The following DST variants were observed in gnomAD, a reference collection of about 807,000 sequenced individuals.
DST encodes the protein bullous pemphigoid antigen.
Under a neutral mutation model 875.2 loss-of-function variants are expected in DST, and 253 were observed. The observed-to-expected ratio is 0.29, with a 90% confidence interval of 0.26 to 0.32. The LOEUF is 0.32. Ranked by LOEUF, DST falls within the 10% of genes least tolerant of loss-of-function variation. The probability of loss-of-function intolerance (pLI) is 1.00; values close to 1 mark genes in which losing one functional copy is unlikely to be tolerated. For synonymous variants in DST, 3,124 were observed against 3,197.1 expected, an observed-to-expected ratio of 0.98 and a Z score of 0.77; for missense variants, 8,287 against 9,111.6, an observed-to-expected ratio of 0.91 and a Z score of 3.68.
intron 74 of DST, 108 bp downstream of exon 74, chr6:56,509,534 T>C (rs1216489903): frequency 3.8e-6 from 3 of 785,058 alleles, no homozygotes; most frequent in South Asian, 1.8e-5. Flanking sequence ...ATCACATTTG[T>C]AGTATCTTTT....
intron 36 of DST, chr6:56,619,496 T>C: frequency 6.2e-7 from 1 of 1,612,188 alleles, no homozygotes; most frequent in Non-Finnish European, 8.5e-7. Flanking sequence ...TTCTTTCTCA[T>C]CTCGAAAAGA....
chr6:56,811,039 C>G (rs1311077628), intron 4 of DST, among the ~76,000 whole-genome samples: 1 of 151,740 alleles, frequency 6.6e-6, no homozygotes, highest in Non-Finnish European at 1.5e-5. Flanking sequence ...CAAAATTTAG[C>G]CAGGCATGGT....
chr6:56,839,570 T>C (rs150867122), intron 4 of DST, among the ~76,000 whole-genome samples: 4 of 152,266 alleles, frequency 2.6e-5, no homozygotes, highest in African/African-American at 9.6e-5. Context: ...GGAAGCCAAA[T>C]GAAAACCACT....
chr6:56,680,325 A>C (rs1210711336), intron 9 of DST, among the ~76,000 whole-genome samples: 1 of 152,208 alleles, frequency 6.6e-6, no homozygotes, highest in Non-Finnish European at 1.5e-5. Flanking sequence ...ACATAATAGA[A>C]GTGATGGGTA....
In DST at chr6:56,459,195, C is replaced by T. The variant is rs775454333; in HGVS notation, c.23267G>A (p.Arg7756Gln). ...SKAGSRASSR[R>Q]GSDASDFDIS... ...GTCAAAGTCTGATGCATCACTGCCT[C>T]GGCGGCTGCTGGCCCTGCTGCCAGC... The change falls in exon 104 of 104, where the codon CGA becomes CAA. Residue 7756 changes from arginine (R) to glutamine (Q), a missense_variant. By Grantham distance (43) the Arg-to-Gln change is conservative. This residue lies in a region of DST where 240 missense variants were observed against 237.3 expected (regional missense o/e 1.01). Coordinates refer to ENST00000680361, the MANE Select transcript of DST (RefSeq NM_001374736.1). 8 of 1,613,812 alleles carry T rather than the reference C, an allele frequency of 5.0e-6. No individual in the cohort carries two copies. The highest frequency in any genetic ancestry group is 1.7e-5 in the Admixed American group (1 of 60,004).
chr6:56,683,423 G>A (rs1228208215), intron 9 of DST, among the ~76,000 whole-genome samples: 4 of 152,118 alleles, frequency 2.6e-5, no homozygotes, highest in Non-Finnish European at 5.9e-5. Context: ...GTGCCAGTGC[G>A]GTAATCCAGA....
At chr6:56,633,690 G>A (rs2098802597) in intron 27 of DST, among the ~76,000 whole-genome samples, 1 of 151,664 alleles carries the variant, frequency 6.6e-6, no homozygotes, top group Admixed American at 6.6e-5. Context: ...AGTAGAGACA[G>A]GGTTTCTCCA....
At position 56,606,739 on chromosome 6, in the gene DST, C is replaced by A; in HGVS notation, c.7889G>T (p.Gly2630Val). ...DDDHDSLLLD[G>V]DDRDCLHPED... ...AGGGTGCAGGCAATCACGATCATCA[C>A]CATCAAGAAGCAAAGAATCATGGTC... is the stretch of plus-strand genomic sequence containing the variant. The change falls in exon 40 of 104, where the codon GGT becomes GTT. Residue 2630 changes from glycine to valine, a missense_variant. Coordinates refer to ENST00000680361, the MANE Select transcript of DST (RefSeq NM_001374736.1). The A allele has an allele frequency of 6.2e-7, 1 of 1,613,416 alleles. No individual in the cohort carries two copies. Among genetic ancestry groups the A allele is most frequent in the African/African-American group, 1.3e-5 (1 of 74,988 alleles).
chr6:56,916,755 C>A (rs1025546180), intron 2 of DST, among the ~76,000 whole-genome samples: 18 of 74,452 alleles, frequency 2.4e-4, no homozygotes, highest in African/African-American at 1.2e-3. Flanking sequence ...CTCTCTCTAT[C>A]TCTCTCTCTC....
intron 50 of DST, among the ~76,000 whole-genome samples, chr6:56,575,339 A>G (rs1235939848): frequency 6.6e-6 from 1 of 152,150 alleles, no homozygotes; most frequent in Non-Finnish European, 1.5e-5. Context: ...AAACCTGCAT[A>G]TGTACCCTCT....
chr6:56,908,116 CAT>C (rs1424618033), intron 2 of DST, among the ~76,000 whole-genome samples: 1 of 147,200 alleles, frequency 6.8e-6, no homozygotes, highest in Non-Finnish European at 1.5e-5. Flanking sequence ...CACACACACA[CAT>C]ATATACACAC....
intron 22 of DST, among the ~76,000 whole-genome samples, chr6:56,637,501 C>T (rs2098837152): frequency 6.6e-6 from 1 of 151,846 alleles, no homozygotes; most frequent in Non-Finnish European, 1.5e-5. Flanking sequence ...ATGGTTATGT[C>T]GGTTTCTCTT....
At chr6:56,583,093 A>T (rs1309832880) in intron 49 of DST, among the ~76,000 whole-genome samples, 8 of 152,284 alleles carry the variant, frequency 5.3e-5, no homozygotes, top group African/African-American at 1.2e-4. Context: ...TGATTTACAG[A>T]CCTTTGGGTA....
chr6:56,490,167 A>G (rs908309825), intron 85 of DST, among the ~76,000 whole-genome samples: 2 of 152,206 alleles, frequency 1.3e-5, no homozygotes, highest in African/African-American at 2.4e-5. Context: ...TGCTGCTATC[A>G]ATATCCTCAA....
At chr6:56,808,040 T>C (rs2153031664) in intron 4 of DST, among the ~76,000 whole-genome samples, 2 of 152,294 alleles carry the variant, frequency 1.3e-5, no homozygotes, top group South Asian at 4.1e-4. Context: ...GTTGAATTCT[T>C]TTCACTATAC....
intron 60 of DST, among the ~76,000 whole-genome samples, chr6:56,554,899 A>C (rs953301680): frequency 3.3e-5 from 5 of 152,200 alleles, no homozygotes; most frequent in Non-Finnish European, 5.9e-5. Flanking sequence ...AGCCACAGTG[A>C]GAGAGGAAAA....
chr6:56,932,071 C>T (rs1477722034), intron 2 of DST, among the ~76,000 whole-genome samples: 1 of 152,102 alleles, frequency 6.6e-6, no homozygotes, highest in African/African-American at 2.4e-5. Flanking sequence ...GGCTCTGTGT[C>T]CCCACCCGAA....
chr6:56,606,981 T>C lies in DST; in HGVS notation c.7647A>G (p.Glu2549=), dbSNP rs1309431823. 1.2e-6 allele frequency: 2 copies of C among 1,613,424 alleles called. No individual in the cohort carries two copies. The highest frequency in any genetic ancestry group is 1.7e-6 in the Non-Finnish European group (2 of 1,179,636). Residue 2549 remains glutamate, a synonymous_variant, in exon 40 of 104, where the codon GAA becomes GAG. Coordinates refer to ENST00000680361, the MANE Select transcript of DST (RefSeq NM_001374736.1). The stretch of plus-strand genomic sequence containing the variant: ...AATACTCTTCTATTTCAGACTCATC[T>C]TCCTTGTCTTCAGGCATCTGCTGAA... ...PGFQQMPEDK[E]DESEIEEYSC... is the part of the protein sequence containing the mutation.
intron 4 of DST, among the ~76,000 whole-genome samples, chr6:56,794,512 C>CA (rs1435502390): frequency 6.6e-6 from 1 of 152,140 alleles, no homozygotes; most frequent in Non-Finnish European, 1.5e-5. Context: ...AGCCAGCAGC[C>CA]AGGAAAGCTG....
Sources: gnomAD v4.1 joint callset for allele counts (sites outside exome capture counted in the v4.1 genomes callset) on GRCh38, gnomAD v4.1.1 for gene constraint, gnomAD v4.1.1 regional missense constraint, MANE v1.5 for transcripts, NCBI Gene and HGNC (gene_info 2026-07-23, HGNC 2026-07-21) for gene names.